TXNRD1: variants seen among roughly 807,000 people sequenced by gnomAD.
TXNRD1 encodes thioredoxin reductase 1, cytoplasmic.
Under a neutral mutation model 80.3 loss-of-function variants are expected in TXNRD1, and 57 were observed. That is an observed-to-expected ratio of 0.71 (90% confidence interval 0.57 to 0.89). TXNRD1 has a LOEUF of 0.89. Among genes scored for constraint, TXNRD1 ranks in the 40% least tolerant of loss-of-function variants. The pLI is 0.00. For missense variants in TXNRD1, 730 were observed against 803.0 expected (o/e 0.91, Z 1.10); for synonymous variants, 291 against 285.2 (o/e 1.02, Z -0.20).
chr12:104,288,980 C>T lies in TXNRD1; in HGVS notation c.354C>T (p.Thr118=), dbSNP rs745686383. ...CGCTCTCGGAATTGGCCGCGGAAAC[C>T]GATCTGCCCGTTGTGTTTGTGAAAC... ...EGTLSELAAE[T]DLPVVFVKQR... is the part of the protein sequence containing the mutation. The change falls in exon 4 of 17, where the codon ACC becomes ACT. Residue 118 remains threonine (T), a synonymous_variant. Coordinates refer to ENST00000525566, the MANE Select transcript of TXNRD1 (RefSeq NM_001093771.3). 1 of 1,614,006 alleles carries T rather than the reference C, an allele frequency of 6.2e-7. No homozygotes were observed.
intron 3 of TXNRD1, among the ~76,000 whole-genome samples, chr12:104,275,315 A>G (rs190401742): frequency 6.6e-6 from 1 of 152,248 alleles, no homozygotes; most frequent in African/African-American, 2.4e-5. Context: ...TTCTTCTGGC[A>G]AGAAAAGACA....
chr12:104,320,854 C>T (rs2035502640), intron 9 of TXNRD1, among the ~76,000 whole-genome samples: 1 of 152,134 alleles, frequency 6.6e-6, no homozygotes, highest in Admixed American at 6.5e-5. Flanking sequence ...TCAGAAGTTA[C>T]ACAGTTTGCT....
intron 12 of TXNRD1, among the ~76,000 whole-genome samples, 161 bp from the exon 13 acceptor site, chr12:104,327,354 G>A (rs1026158090): frequency 1.3e-5 from 2 of 152,074 alleles, no homozygotes; most frequent in Admixed American, 6.6e-5. Context: ...TATCTGATAA[G>A]ATTTTTGTTC....
chr12:104,276,951 A>C (rs918024658), intron 3 of TXNRD1, among the ~76,000 whole-genome samples: 32 of 152,196 alleles, frequency 2.1e-4, no homozygotes, highest in African/African-American at 7.7e-4. Flanking sequence ...GCTTGATATA[A>C]GAAATAAAGA....
rs201644705 is a variant in TXNRD1 at position 104,344,515 on chromosome 12, AAC to A, written c.1882-3834_1882-3833del. Among the ~76,000 whole-genome samples the A allele has an allele frequency of 6.3e-3, 955 of 152,296 alleles. 8 individuals carry two copies. The highest frequency in any genetic ancestry group is 0.022 in the African/African-American group (901 of 41,560). ...TATGGGGTGCATAGTGATGTTTTGA[AAC>A]ACAGAGTTTATAGTGATCAGATTAG... On this transcript the variant is annotated intron_variant, in intron 16 of 16. Coordinates refer to ENST00000525566, the MANE Select transcript of TXNRD1 (RefSeq NM_001093771.3).
At chr12:104,253,972 C>T (rs577093634) in intron 2 of TXNRD1, among the ~76,000 whole-genome samples, 19 of 152,262 alleles carry the variant, frequency 1.2e-4, no homozygotes, top group African/African-American at 3.1e-4. Flanking sequence ...GGATTATAGG[C>T]GTGAGCCACT....
chr12:104,290,720 C>CATCTATATAT (rs2034158741), intron 4 of TXNRD1, among the ~76,000 whole-genome samples: 3 of 55,874 alleles, frequency 5.4e-5, no homozygotes, highest in African/African-American at 1.8e-4. Context: ...AAGAAATATA[C>CATCTATATAT]ATATATATAT....
At chr12:104,313,386 T>A in intron 6 of TXNRD1, 69 bp downstream of exon 6, 1 of 1,196,714 alleles carries the variant, frequency 8.4e-7, no homozygotes, top group Admixed American at 2.7e-5. Flanking sequence ...ATCTAACTGG[T>A]TCCTAAAGCC....
intron 4 of TXNRD1, chr12:104,304,496 C>A (rs760610427): frequency 6.2e-7 from 1 of 1,613,986 alleles, no homozygotes; most frequent in Middle Eastern, 1.6e-4. Flanking sequence ...CCGACTTGAA[C>A]ACCAGAAAAA....
intron 1 of TXNRD1, among the ~76,000 whole-genome samples, chr12:104,247,666 C>T (rs1189081603): frequency 6.6e-6 from 1 of 152,026 alleles, no homozygotes; most frequent in Non-Finnish European, 1.5e-5. Flanking sequence ...TTTTGGTAAA[C>T]AGTCTCTCCC....
At chr12:104,271,609 A>G (rs7969351) in intron 3 of TXNRD1, among the ~76,000 whole-genome samples, 137,594 of 152,056 alleles carry the variant, frequency 0.9, 62,483 homozygotes, top group Middle Eastern at 0.97. Context: ...CTTAAGGGTC[A>G]GGGAGATTAC....
At chr12:104,345,071 T>C (rs149772002) in intron 16 of TXNRD1, among the ~76,000 whole-genome samples, 19 of 152,316 alleles carry the variant, frequency 1.2e-4, no homozygotes, top group African/African-American at 4.6e-4. Flanking sequence ...GAATGTTTGT[T>C]ATTAGTCCAT....
chr12:104,323,372 AGGGGCGGCC>A (rs1473843352), intron 10 of TXNRD1, among the ~76,000 whole-genome samples: 56 of 149,700 alleles, frequency 3.7e-4, no homozygotes, highest in Middle Eastern at 3.5e-3. Flanking sequence ...ACTTCCCAGT[AGGGGCGGCC>A]GGGGCGGCTG....
chr12:104,295,859 A>ATAACATATGCTG (rs2034420288), intron 4 of TXNRD1, among the ~76,000 whole-genome samples: 1 of 152,232 alleles, frequency 6.6e-6, no homozygotes, highest in African/African-American at 2.4e-5. Flanking sequence ...CTGTGGTCCC[A>ATAACATATGCTG]GGCATATGTT....
chr12:104,323,655 C>T (rs1348993356), intron 10 of TXNRD1, among the ~76,000 whole-genome samples: 8 of 106,208 alleles, frequency 7.5e-5, no homozygotes, highest in South Asian at 3.9e-4. Context: ...CCCTCCCGGA[C>T]GGGGCGGCTG....
At chr12:104,345,183 C>A (rs953247486) in intron 16 of TXNRD1, among the ~76,000 whole-genome samples, 13 of 152,064 alleles carry the variant, frequency 8.5e-5, no homozygotes, top group African/African-American at 3.1e-4. Context: ...ATTTTACATG[C>A]CTTTTAAAAT....
intron 3 of TXNRD1, chr12:104,265,791 T>C (rs1255476273): frequency 6.4e-7 from 1 of 1,568,566 alleles, no homozygotes; most frequent in African/African-American, 1.4e-5. Flanking sequence ...TCCTGCGCCG[T>C]CAGCACAAGC....
At chr12:104,299,971 T>G (rs1386869138) in intron 4 of TXNRD1, among the ~76,000 whole-genome samples, 2 of 152,166 alleles carry the variant, frequency 1.3e-5, no homozygotes, top group African/African-American at 2.4e-5. Flanking sequence ...AGTGTATATG[T>G]TAGAGTGTGG....
At chr12:104,317,064 A>G (rs1343960924) in intron 7 of TXNRD1, among the ~76,000 whole-genome samples, 1 of 152,236 alleles carries the variant, frequency 6.6e-6, no homozygotes, top group Non-Finnish European at 1.5e-5. Flanking sequence ...GAAAATCACT[A>G]ACTTTTAAAG....
Sources: gnomAD v4.1 joint callset for allele counts (sites outside exome capture counted in the v4.1 genomes callset) on GRCh38, gnomAD v4.1.1 for gene constraint, MANE v1.5 for transcripts, NCBI Gene and HGNC (gene_info 2026-07-23, HGNC 2026-07-21) for gene names.